The following RNLS variants were observed in gnomAD, a reference collection of about 807,000 sequenced individuals.
RNLS encodes renalase, FAD dependent amine oxidase.
RNLS carries 39 observed loss-of-function variants against 39.8 expected under a neutral mutation model. That is an observed-to-expected ratio of 0.98 (90% CI 0.76 to 1.28). The LOEUF (loss-of-function observed/expected upper bound fraction) is 1.28. RNLS is among the 50% of genes most tolerant of loss of function. The pLI is 0.00. For synonymous variants in RNLS, 147 were observed against 150.7 expected, an observed-to-expected ratio of 0.98 and a Z score of 0.18; for missense variants, 410 against 413.3, an observed-to-expected ratio of 0.99 and a Z score of 0.07.
intron 5 of RNLS, among the ~76,000 whole-genome samples, chr10:88,338,823 G>T (rs190078685): frequency 6.7e-6 from 1 of 148,502 alleles, no homozygotes; most frequent in African/African-American, 2.5e-5. Context: ...GTGCAGTGGC[G>T]CGATCTCGGC....
At chr10:88,215,892 G>A in the RNLS span, among the ~76,000 whole-genome samples, 2 of 151,846 alleles carry the variant, frequency 1.3e-5, no homozygotes. Context: ...TAGAGATGAT[G>A]TTTTGCCATG....
chr10:88,580,307 C>T (rs1266675912), intron 3 of RNLS, among the ~76,000 whole-genome samples: 1 of 152,096 alleles, frequency 6.6e-6, no homozygotes, highest in Non-Finnish European at 1.5e-5. Flanking sequence ...TACTGAATCT[C>T]GAATGGAGAA....
intron 4 of RNLS, among the ~76,000 whole-genome samples, chr10:88,393,556 T>C (rs1439857854): frequency 1.3e-5 from 2 of 152,180 alleles, no homozygotes; most frequent in Admixed American, 1.3e-4. Flanking sequence ...TACAAACAAA[T>C]GGAAGAACAT....
At chr10:88,343,353 G>A (rs1589602341) in intron 5 of RNLS, among the ~76,000 whole-genome samples, 1 of 151,328 alleles carries the variant, frequency 6.6e-6, no homozygotes, top group East Asian at 1.9e-4. Context: ...GTGCAGGAGT[G>A]GAAAATATCA....
intron 6 of RNLS, among the ~76,000 whole-genome samples, chr10:88,311,803 A>G (rs1033421859): frequency 1.3e-5 from 2 of 152,166 alleles, no homozygotes; most frequent in African/African-American, 4.8e-5. Flanking sequence ...TTTTTACCCC[A>G]CTGTTGCAAT....
chr10:88,488,961 T>C (rs1844732759), intron 4 of RNLS, among the ~76,000 whole-genome samples: 1 of 152,184 alleles, frequency 6.6e-6, no homozygotes, highest in African/African-American at 2.4e-5. Context: ...TGCAATATGC[T>C]TTTCAGGACA....
intron 5 of RNLS, among the ~76,000 whole-genome samples, chr10:88,323,181 T>C (rs1846310959): frequency 6.6e-6 from 1 of 152,128 alleles, no homozygotes; most frequent in African/African-American, 2.4e-5. Flanking sequence ...AGAGGAAGAA[T>C]CAAGATTGTT....
At chr10:88,495,645 T>C (rs1457064485) in intron 4 of RNLS, among the ~76,000 whole-genome samples, 13 of 151,264 alleles carry the variant, frequency 8.6e-5, no homozygotes, top group Admixed American at 7.9e-4. Context: ...AATATAGAAA[T>C]GGAAATGAGA....
intron 4 of RNLS, among the ~76,000 whole-genome samples, chr10:88,400,666 G>A (rs182295417): frequency 1.3e-5 from 2 of 151,980 alleles, no homozygotes; most frequent in African/African-American, 4.8e-5. Context: ...TGTTAAGAAC[G>A]GGGCTTGACA....
chr10:88,471,093 T>C (rs1343648554), intron 4 of RNLS, among the ~76,000 whole-genome samples: 1 of 152,096 alleles, frequency 6.6e-6, no homozygotes, highest in Non-Finnish European at 1.5e-5. Flanking sequence ...TAAGTAAAGG[T>C]AACCTACCTA....
rs1847423768 is a variant in RNLS, at chr10:88,335,511, C to A, written c.701-20870G>T. 2.0e-5 allele frequency among the ~76,000 whole-genome samples: 3 copies of A among 152,232 alleles called. No homozygotes were observed. The South Asian group carries it at 6.2e-4, about 32-fold the overall frequency. On this transcript the variant is annotated intron_variant, in intron 5 of 6. Transcript: ENST00000331772. ...TTGGGATTACAGGTGTGAGCCACCA[C>A]ACCCAGCCCCTCTTTTACATTTCAG...
intron 5 of RNLS, among the ~76,000 whole-genome samples, chr10:88,319,307 AT>A (rs1846002777): frequency 6.6e-6 from 1 of 152,244 alleles, no homozygotes; most frequent in Non-Finnish European, 1.5e-5. Flanking sequence ...AAATTAAAAA[AT>A]AAACGTGACA....
the RNLS span, among the ~76,000 whole-genome samples, chr10:88,189,508 A>C: frequency 6.6e-6 from 1 of 152,218 alleles, no homozygotes; most frequent in Non-Finnish European, 1.5e-5. Flanking sequence ...AAACAAAAAA[A>C]AATAATGAAT....
the RNLS span, among the ~76,000 whole-genome samples, chr10:88,249,767 G>A: frequency 2.0e-5 from 3 of 152,156 alleles, no homozygotes; most frequent in African/African-American, 7.2e-5. Context: ...GTGCCATTCA[G>A]CAAACAAGCT....
At chr10:88,196,980 C>T in the RNLS span, among the ~76,000 whole-genome samples, 2 of 152,198 alleles carry the variant, frequency 1.3e-5, no homozygotes, top group African/African-American at 2.4e-5. Context: ...TGCTAGACAT[C>T]AGCTCCTCCT....
chr10:88,194,694 C>T, the RNLS span, among the ~76,000 whole-genome samples: 48 of 152,218 alleles, frequency 3.2e-4, no homozygotes, highest in African/African-American at 9.9e-4. Flanking sequence ...GGAAATTTTG[C>T]GGGTTATTAT....
chr10:88,384,055 G>T (rs1851713449), intron 4 of RNLS, among the ~76,000 whole-genome samples: 1 of 152,022 alleles, frequency 6.6e-6, no homozygotes, highest in Non-Finnish European at 1.5e-5. Flanking sequence ...TGTCAATAAA[G>T]ATTTATAGAA....
intron 4 of RNLS, among the ~76,000 whole-genome samples, chr10:88,572,418 T>C (rs1849889331): frequency 1.3e-5 from 2 of 152,172 alleles, no homozygotes; most frequent in South Asian, 4.1e-4. Context: ...AATTTCAGCT[T>C]CTTCAGCAAA....
At chr10:88,223,050 T>C in the RNLS span, among the ~76,000 whole-genome samples, 9 of 152,356 alleles carry the variant, frequency 5.9e-5, no homozygotes, top group African/African-American at 2.2e-4. Context: ...ATCACCCCTA[T>C]ATGATTAATG....
Sources: gnomAD v4.1 joint callset for allele counts (sites outside exome capture counted in the v4.1 genomes callset) on GRCh38, gnomAD v4.1.1 for gene constraint, MANE v1.5 for transcripts, NCBI Gene and HGNC (gene_info 2026-07-23, HGNC 2026-07-21) for gene names.